The following NRG3 variants were observed in gnomAD, a reference collection of about 807,000 sequenced individuals.
NRG3 encodes the protein neuregulin 3, also known as pro-neuregulin-3, membrane-bound isoform.
NRG3 carries 31 observed loss-of-function variants against 66.9 expected under a neutral mutation model. The observed-to-expected ratio is 0.46, with a 90% CI of 0.35 to 0.63. NRG3 has a LOEUF of 0.63. Among genes scored for constraint, NRG3 ranks in the 20% least tolerant of loss-of-function variants. NRG3 has a pLI of 0.00. For synonymous variants in NRG3, 393 were observed against 359.4 expected (o/e 1.09, Z -1.06); for missense variants, 910 against 878.9 (o/e 1.04, Z -0.45).
At chr10:82,594,553 C>T (rs966628067) in intron 2 of NRG3, among the ~76,000 whole-genome samples, 3 of 152,108 alleles carry the variant, frequency 2.0e-5, no homozygotes, top group South Asian at 4.1e-4. Flanking sequence ...AAAAAAATTT[C>T]TCATCCACAC....
At chr10:82,676,246 T>C (rs1375190659) in intron 2 of NRG3, among the ~76,000 whole-genome samples, 1 of 152,160 alleles carries the variant, frequency 6.6e-6, no homozygotes, top group African/African-American at 2.4e-5. Flanking sequence ...ATTGAACTTC[T>C]GTCTTCATTA....
At chr10:81,882,438 A>G (rs1842263004) in intron 1 of NRG3, among the ~76,000 whole-genome samples, 1 of 152,138 alleles carries the variant, frequency 6.6e-6, no homozygotes, top group African/African-American at 2.4e-5. Context: ...ACATATATAT[A>G]TTTATAAACA....
intron 1 of NRG3, among the ~76,000 whole-genome samples, chr10:82,060,321 A>G (rs1385819954): frequency 6.6e-6 from 1 of 152,244 alleles, no homozygotes; most frequent in Non-Finnish European, 1.5e-5. Flanking sequence ...AGTTACTAGG[A>G]GGATAGAGAA....
intron 4 of NRG3, among the ~76,000 whole-genome samples, chr10:82,941,689 C>G (rs1255518198): frequency 6.6e-6 from 1 of 152,100 alleles, no homozygotes; most frequent in African/African-American, 2.4e-5. Flanking sequence ...GAAATAAATA[C>G]TAGAATTAGG....
At chr10:82,014,427 T>C (rs2061702579) in intron 1 of NRG3, among the ~76,000 whole-genome samples, 2 of 152,202 alleles carry the variant, frequency 1.3e-5, no homozygotes, top group Admixed American at 6.6e-5. Context: ...CTCTGTTCTC[T>C]TTGCAGTGGT....
intron 1 of NRG3, among the ~76,000 whole-genome samples, chr10:82,115,240 A>G (rs994344347): frequency 6.6e-6 from 1 of 151,988 alleles, no homozygotes; most frequent in African/African-American, 2.4e-5. Context: ...CTTCCTATTT[A>G]CTGAGAGCTT....
At chr10:82,947,522 A>G (rs1229981196) in intron 4 of NRG3, among the ~76,000 whole-genome samples, 1 of 152,128 alleles carries the variant, frequency 6.6e-6, no homozygotes, top group Admixed American at 6.5e-5. Context: ...ACTATTGGAA[A>G]TGGCTATATA....
At chr10:82,732,095 AACATTAAAACATCATGTTGT>A (rs1416509806) in intron 2 of NRG3, among the ~76,000 whole-genome samples, 1 of 152,208 alleles carries the variant, frequency 6.6e-6, no homozygotes, top group Non-Finnish European at 1.5e-5. Context: ...CATGTTTTAA[AACATTAAAACATCATGTTGT>A]ACATTATAAA....
intron 1 of NRG3, among the ~76,000 whole-genome samples, chr10:82,050,078 TA>T (rs750302130): frequency 2.0e-5 from 3 of 151,982 alleles, no homozygotes; most frequent in African/African-American, 7.2e-5. Context: ...TCTGAACAGA[TA>T]TGCTAAGATG....
intron 4 of NRG3, among the ~76,000 whole-genome samples, chr10:82,936,288 T>A (rs1168874697): frequency 4.6e-5 from 7 of 152,180 alleles, no homozygotes; most frequent in Non-Finnish European, 8.8e-5. Flanking sequence ...GCAAGTCAGA[T>A]TCCAGGGGAA....
chr10:82,139,247 C>T (rs368336687), intron 1 of NRG3, among the ~76,000 whole-genome samples: 3 of 152,230 alleles, frequency 2.0e-5, no homozygotes. Flanking sequence ...TTATTCCACA[C>T]ATAACTGCAG....
At chr10:81,966,258 TA>T (rs2059726655) in intron 1 of NRG3, among the ~76,000 whole-genome samples, 1 of 151,102 alleles carries the variant, frequency 6.6e-6, no homozygotes, top group Non-Finnish European at 1.5e-5. Context: ...GTTCTTTTAA[TA>T]TGCTACTAAA....
chr10:82,838,083 T>A lies in NRG3; in HGVS notation c.1028-27328T>A, dbSNP rs148289959. ...ACACCATCATTTGCTGCCAATTTAT[T>A]TAGCACTAAGCTTAAAATCCTCTTT... On this transcript the variant is annotated intron_variant, in intron 3 of 8. Transcript: ENST00000372141. Among the ~76,000 whole-genome samples, 6 of 152,274 alleles carry A rather than the reference T, an allele frequency of 3.9e-5. No individual in the cohort carries two copies. The East Asian group carries it at 1.2e-3, about 29-fold the overall frequency.
intron 1 of NRG3, among the ~76,000 whole-genome samples, chr10:82,299,991 G>A (rs1178652396): frequency 2.0e-5 from 3 of 151,948 alleles, no homozygotes; most frequent in Non-Finnish European, 2.9e-5. Flanking sequence ...TTTAATCAAG[G>A]GGCTCAGAAA....
At chr10:81,945,114 C>T (rs1848736191) in intron 1 of NRG3, among the ~76,000 whole-genome samples, 1 of 152,102 alleles carries the variant, frequency 6.6e-6, no homozygotes, top group Non-Finnish European at 1.5e-5. Context: ...TTCCTGAATC[C>T]TTGTTCTGGT....
chr10:82,782,458 A>T (rs61863593), intron 3 of NRG3, among the ~76,000 whole-genome samples: 18,984 of 152,030 alleles, frequency 0.12, 1,428 homozygotes, highest in African/African-American at 0.21. Context: ...ATAAATATTT[A>T]TTTATATTTA....
chr10:82,489,642 A>C (rs1842942152), intron 2 of NRG3, among the ~76,000 whole-genome samples: 1 of 152,208 alleles, frequency 6.6e-6, no homozygotes, highest in African/African-American at 2.4e-5. Flanking sequence ...TGCAGAAGGC[A>C]TCCATTTTAG....
intron 2 of NRG3, among the ~76,000 whole-genome samples, chr10:82,402,446 T>C (rs1340120557): frequency 6.6e-6 from 1 of 152,116 alleles, no homozygotes; most frequent in Non-Finnish European, 1.5e-5. Context: ...TTTTATTTGG[T>C]GTTTGTTTAT....
At chr10:82,234,575 C>G (rs1313820992) in intron 1 of NRG3, among the ~76,000 whole-genome samples, 1 of 152,024 alleles carries the variant, frequency 6.6e-6, no homozygotes, top group Non-Finnish European at 1.5e-5. Flanking sequence ...CAGGACATAC[C>G]CAATAAATAA....
Sources: gnomAD v4.1 joint callset for allele counts (sites outside exome capture counted in the v4.1 genomes callset) on GRCh38, gnomAD v4.1.1 for gene constraint, MANE v1.5 for transcripts, NCBI Gene and HGNC (gene_info 2026-07-23, HGNC 2026-07-21) for gene names.